The following XIST variants were observed in gnomAD, a reference collection of about 807,000 sequenced individuals.
XIST encodes the protein X inactive specific transcript (non-protein coding).
exon 6 of XIST, chrX:73,827,385 GA>G (rs1922283278): frequency 1.8e-6 from 1 of 555,792 alleles, no homozygotes; most frequent in South Asian, 2.2e-5. Flanking sequence ...TGAAGAGGCT[GA>G]AATACTCAAA....
chrX:73,825,268 C>T, exon 6 of XIST: 1 of 559,150 alleles, frequency 1.8e-6, no homozygotes, highest in Non-Finnish European at 3.2e-6. Context: ...GCAGCAAACA[C>T]AAATTGGCCT....
At chrX:73,831,445 A>C (rs1922378733) in intron 3 of XIST, 1 of 117,154 alleles carries the variant, frequency 8.5e-6, no homozygotes, top group Non-Finnish European at 1.6e-5. Flanking sequence ...CCAACTTAGC[A>C]AAAAAAAAAA....
exon 1 of XIST, chrX:73,850,770 G>T (rs1258671850): frequency 9.3e-6 from 3 of 321,214 alleles, no homozygotes; most frequent in Non-Finnish European, 1.7e-5. Context: ...GGGGGTGGGG[G>T]GGGAGGTATA....
At chrX:73,822,490 G>A (rs767341211) in exon 6 of XIST, 9 of 512,175 alleles carry the variant, frequency 1.8e-5, no homozygotes, top group Admixed American at 8.0e-5. Context: ...ATTGGCACCC[G>A]AATATATTTG....
exon 1 of XIST, chrX:73,846,023 C>T (rs747860909): frequency 7.2e-6 from 4 of 553,857 alleles, no homozygotes; most frequent in East Asian, 3.3e-5. Flanking sequence ...CCTGTGGTCA[C>T]TTACAACTGT....
exon 1 of XIST, chrX:73,844,469 A>AG (rs1275631250): frequency 1.8e-6 from 1 of 559,020 alleles, no homozygotes; most frequent in South Asian, 2.2e-5. Context: ...TATACTGCAA[A>AG]GGGGGTCTGA....
At chrX:73,842,233 A>T in exon 1 of XIST, 1 of 524,151 alleles carries the variant, frequency 1.9e-6, no homozygotes, top group Middle Eastern at 3.1e-4. Flanking sequence ...GGCACTTTAC[A>T]ATAACAATAT....
rs1234249804 is a variant in XIST at position 73,846,037 on chromosome X, C to T, written n.6687G>A. On this transcript the variant is annotated non_coding_transcript_exon_variant, in exon 1 of 6. Coordinates refer to ENST00000429829, the Ensembl canonical transcript of XIST. ...GCCTGTGGTCACTTACAACTGTGCA[C>T]CTTGATTGTCCAAACGTAAGCGTCT... 9.0e-6 allele frequency: 5 copies of T among 554,508 alleles called. No individual in the cohort carries two copies. The African/African-American group carries it at 9.1e-5, about 10-fold the overall frequency. 45.7% of individuals were successfully genotyped at this position (554,508 alleles called of 1,213,427 possible).
exon 1 of XIST, chrX:73,843,761 G>C (rs1409491014): frequency 1.8e-6 from 1 of 556,336 alleles, no homozygotes; most frequent in Non-Finnish European, 3.2e-6. Flanking sequence ...AAAACACTAA[G>C]AAAGTAGGTA....
intron 3 of XIST, among the ~76,000 whole-genome samples, chrX:73,832,321 C>A (rs1440167620): frequency 2.9e-5 from 3 of 104,862 alleles, no homozygotes; most frequent in East Asian, 3.0e-4. Context: ...GCAACAAGAG[C>A]GAAACTGCGA....
rs1226421219 is a variant in XIST at position 73,824,264 on chromosome X, T to A, written n.15637A>T. On this transcript the variant is annotated non_coding_transcript_exon_variant, in exon 6 of 6. Transcript: ENST00000429829. The stretch of plus-strand genomic sequence containing the variant: ...GGCATTCTTCAGACAACCAATCCCT[T>A]GCGTATGCGTATTCAAAAGATAATC... The A allele has an allele frequency of 1.6e-5, 8 of 513,813 alleles. No homozygotes were observed. In the Admixed American group the frequency reaches 1.6e-4, roughly 10 times the overall value. The allele number at this position is 513,813 out of a possible 1,213,427, so 42.3% of individuals were successfully genotyped here.
exon 6 of XIST, chrX:73,824,525 T>C (rs1193671920): frequency 1.8e-6 from 1 of 556,311 alleles, no homozygotes; most frequent in South Asian, 2.2e-5. Context: ...AAAATTGATC[T>C]ATTTAACAGG....
At chrX:73,825,271 A>G in exon 6 of XIST, 1 of 559,164 alleles carries the variant, frequency 1.8e-6, no homozygotes, top group Non-Finnish European at 3.2e-6. Flanking sequence ...GCAAACACAA[A>G]TTGGCCTCAA....
exon 1 of XIST, chrX:73,851,286 T>C: frequency 1.8e-6 from 1 of 559,171 alleles, no homozygotes; most frequent in Non-Finnish European, 3.2e-6. Flanking sequence ...ACGCCTGCCA[T>C]ATTGTCCCTG....
exon 6 of XIST, chrX:73,827,633 G>C (rs1206504404): frequency 1.8e-6 from 1 of 549,852 alleles, no homozygotes; most frequent in South Asian, 2.3e-5. Context: ...GAAGGGGAAG[G>C]GGTAACAAAT....
At chrX:73,842,651 C>T (rs764290360) in exon 1 of XIST, 2 of 557,964 alleles carry the variant, frequency 3.6e-6, no homozygotes, top group Non-Finnish European at 6.5e-6. Flanking sequence ...ACAGAAGGGG[C>T]TTTGGGTAGT....
exon 1 of XIST, chrX:73,849,945 G>A (rs1322905462): frequency 1.1e-5 from 6 of 555,182 alleles, no homozygotes; most frequent in Non-Finnish European, 1.3e-5. Flanking sequence ...GGCTGGGGAG[G>A]AACTGGATGC....
At position 73,821,766 on chromosome X, in the gene XIST, T is replaced by C. The variant is rs778708776; in HGVS notation, n.18135A>G. Reference sequence around the variant, plus strand: ...CATTTAGAGAAATTTTAAAAAAATTTTTCCTTTCAATTTTGGCCAATTATT... The same window carrying C: ...CATTTAGAGAAATTTTAAAAAAATTCTTCCTTTCAATTTTGGCCAATTATT... On this transcript the variant is annotated non_coding_transcript_exon_variant, in exon 6 of 6. Transcript: ENST00000429829. 1.8e-5 allele frequency: 9 copies of C among 512,280 alleles called. No homozygotes were observed. The African/African-American group carries it at 2.1e-4, about 12-fold the overall frequency. 42.2% of individuals were successfully genotyped at this position (512,280 alleles called of 1,213,427 possible).
At position 73,832,301 on chromosome X, in the gene XIST, T is replaced by C. The variant is rs1448699617; in HGVS notation, n.11543+937A>G. Among the ~76,000 whole-genome samples the C allele has an allele frequency of 1.7e-4, 18 of 107,789 alleles. No homozygotes were observed. In the Admixed American group the frequency reaches 1.8e-3, roughly 11 times the overall value. 93.6% of individuals were successfully genotyped at this position (107,789 alleles called of 115,157 possible). On this transcript the variant is annotated intron_variant and non_coding_transcript_variant, in intron 3 of 5. Transcript: ENST00000429829. ...GTGAGCTGAGATTGCGCCATTGCACTCCAGCCTGGGCAACAAGAGCGAAAC... is the reference window on the plus strand; with the variant it reads ...GTGAGCTGAGATTGCGCCATTGCACCCCAGCCTGGGCAACAAGAGCGAAAC...
Sources: allele counts gnomAD v4.1 joint callset (sites outside exome capture counted in the v4.1 genomes callset), GRCh38; gene constraint gnomAD v4.1.1; transcripts MANE v1.5; gene names NCBI Gene and HGNC (gene_info 2026-07-23, HGNC 2026-07-21).